CSMD1: variants seen among roughly 807,000 people sequenced by gnomAD.
The protein encoded by CSMD1 is CUB and sushi domain-containing protein 1.
Under a neutral mutation model 417.5 loss-of-function variants are expected in CSMD1, and 213 were observed. The ratio of observed to expected loss-of-function variants is 0.51; its 90% CI spans 0.46 to 0.57. CSMD1 has a LOEUF of 0.57. Among genes scored for constraint, CSMD1 ranks in the 20% least tolerant of loss-of-function variants. The pLI is 0.00. For missense variants in CSMD1, 6,923 were observed against 4,529.7 expected (o/e 1.53, Z -15.17); for synonymous variants, 2,862 against 1,736.8 (o/e 1.65, Z -16.11).
chr8:3,818,908 G>A (rs1014308534), intron 5 of CSMD1, among the ~76,000 whole-genome samples: 4 of 152,106 alleles, frequency 2.6e-5, no homozygotes, highest in Admixed American at 6.6e-5. Flanking sequence ...CAAGACCACC[G>A]CACATGCCCA....
At chr8:3,396,449 T>C (rs773179682) in intron 16 of CSMD1, 68 bp from the exon 17 acceptor site, 20 of 1,121,720 alleles carry the variant, frequency 1.8e-5, no homozygotes, top group African/African-American at 3.2e-5. Flanking sequence ...GCTCCTGACA[T>C]CCTCATTCCT....
intron 23 of CSMD1, among the ~76,000 whole-genome samples, chr8:3,320,893 A>G (rs1007354359): frequency 3.9e-5 from 6 of 152,226 alleles, no homozygotes; most frequent in African/African-American, 7.2e-5. Context: ...TGACATGCAT[A>G]TTCTGCACCT....
At chr8:3,878,869 C>G (rs1268406776) in intron 5 of CSMD1, among the ~76,000 whole-genome samples, 1 of 152,162 alleles carries the variant, frequency 6.6e-6, no homozygotes, top group Non-Finnish European at 1.5e-5. Flanking sequence ...AATAAACTGA[C>G]TGAGCTTAAT....
chr8:4,254,028 C>A (rs113768489), intron 3 of CSMD1, among the ~76,000 whole-genome samples: 6 of 151,094 alleles, frequency 4.0e-5, no homozygotes, highest in African/African-American at 9.7e-5. Flanking sequence ...GCCATTCTCC[C>A]GCCTCAGCCT....
Position 4,421,382 on chromosome 8 carries a change from A to C in CSMD1, c.303-1317T>G, listed in dbSNP as rs1407147404. Among the ~76,000 whole-genome samples the C allele has an allele frequency of 2.0e-5, 3 of 152,174 alleles. No homozygotes were observed. The East Asian group carries it at 5.8e-4, about 29-fold the overall frequency. On this transcript the variant is annotated intron_variant, in intron 2 of 69. Coordinates refer to ENST00000635120, the MANE Select transcript of CSMD1 (RefSeq NM_033225.6). The stretch of plus-strand genomic sequence containing the variant: ...TTTACCCAGCAAGAACAGAGTACAC[A>C]TTTCTTTCAGGTGCCCACAGAACAT...
intron 11 of CSMD1, among the ~76,000 whole-genome samples, chr8:3,484,725 T>C (rs1033762517): frequency 6.6e-6 from 1 of 152,206 alleles, no homozygotes; most frequent in Non-Finnish European, 1.5e-5. Flanking sequence ...ACACAAAGAA[T>C]TCTCCAAACT....
intron 1 of CSMD1, among the ~76,000 whole-genome samples, chr8:4,973,447 T>C (rs570642742): frequency 1.3e-5 from 2 of 152,296 alleles, no homozygotes; most frequent in Admixed American, 1.3e-4. Context: ...TAGAACATTT[T>C]CTAGCTCTTA....
rs142505121 is a variant in CSMD1 at position 4,287,212 on chromosome 8, G to A, written c.415+132741C>T. On this transcript the variant is annotated intron_variant, in intron 3 of 69. Coordinates refer to ENST00000635120, the MANE Select transcript of CSMD1 (RefSeq NM_033225.6). ...TTAATTTTACTCACATAGCTAATTA[G>A]ATATCTTGCCTCTATTTCCTGGCAA... 2.0e-5 allele frequency among the ~76,000 whole-genome samples: 3 copies of A among 152,252 alleles called. No individual in the cohort carries two copies. In the East Asian group the frequency reaches 5.8e-4, roughly 29 times the overall value.
At chr8:4,041,103 G>C (rs181508003) in intron 3 of CSMD1, among the ~76,000 whole-genome samples, 16 of 139,900 alleles carry the variant, frequency 1.1e-4, no homozygotes, top group Admixed American at 5.1e-4. Flanking sequence ...TGCAAGCTCC[G>C]CCTCCCGGGT....
chr8:4,593,287 C>T (rs62486684), intron 2 of CSMD1, among the ~76,000 whole-genome samples: 1 of 152,134 alleles, frequency 6.6e-6, no homozygotes, highest in Non-Finnish European at 1.5e-5. Flanking sequence ...CCATTTGTTC[C>T]CTCTCCTCTT....
chr8:4,119,253 A>G (rs1426450506), intron 3 of CSMD1, among the ~76,000 whole-genome samples: 1 of 152,182 alleles, frequency 6.6e-6, no homozygotes, highest in Non-Finnish European at 1.5e-5. Flanking sequence ...AACTTAAAGT[A>G]AAATTAAAAA....
At chr8:3,545,361 T>A (rs1285953295) in intron 10 of CSMD1, among the ~76,000 whole-genome samples, 1 of 152,228 alleles carries the variant, frequency 6.6e-6, no homozygotes. Context: ...ATACTTAACA[T>A]ATTCTTCTAC....
intron 1 of CSMD1, among the ~76,000 whole-genome samples, chr8:4,987,820 A>G (rs1157633800): frequency 6.6e-6 from 1 of 152,160 alleles, no homozygotes; most frequent in Non-Finnish European, 1.5e-5. Context: ...TCAGGTCTTC[A>G]TCTTTCTCCT....
chr8:3,760,680 T>C (rs978370476), intron 5 of CSMD1, among the ~76,000 whole-genome samples: 3 of 152,234 alleles, frequency 2.0e-5, no homozygotes, highest in African/African-American at 7.2e-5. Flanking sequence ...CATTTGGAAA[T>C]GCTAATGGTT....
chr8:4,826,672 T>C, intron 1 of CSMD1, among the ~76,000 whole-genome samples: 1 of 152,090 alleles, frequency 6.6e-6, no homozygotes, highest in East Asian at 1.9e-4. Flanking sequence ...GTAGCTTTCC[T>C]TCCCACTCAT....
rs188485067 is a variant in CSMD1, at chr8:4,055,037, T to A, written c.416-22938A>T. Among the ~76,000 whole-genome samples, 244 of 152,316 alleles carry A rather than the reference T, an allele frequency of 1.6e-3. 1 individual carries two copies. Among genetic ancestry groups the A allele is most frequent in the African/African-American group, 5.2e-3 (218 of 41,578 alleles). On this transcript the variant is annotated intron_variant, in intron 3 of 69. Coordinates refer to ENST00000635120, the MANE Select transcript of CSMD1 (RefSeq NM_033225.6). ...GAAGAAGGCGCCTATTTCACAAACT[T>A]ACATGAATATACTATATTCAAACAA...
intron 1 of CSMD1, among the ~76,000 whole-genome samples, chr8:4,669,235 G>A (rs1224695193): frequency 6.6e-6 from 1 of 152,056 alleles, no homozygotes; most frequent in Non-Finnish European, 1.5e-5. Context: ...GACAGAGATG[G>A]GGGCTAGACA....
At chr8:3,163,455 C>T (rs547937230) in intron 37 of CSMD1, among the ~76,000 whole-genome samples, 6 of 151,478 alleles carry the variant, frequency 4.0e-5, no homozygotes, top group Admixed American at 3.3e-4. Flanking sequence ...CACTCAGGGG[C>T]AGTCCCATGC....
chr8:4,714,419 T>A (rs1808513035), intron 1 of CSMD1, among the ~76,000 whole-genome samples: 1 of 151,822 alleles, frequency 6.6e-6, no homozygotes, highest in Non-Finnish European at 1.5e-5. Flanking sequence ...AAAAATAAAA[T>A]CTCCCCAAAA....
Sources: gnomAD v4.1 joint callset for allele counts (sites outside exome capture counted in the v4.1 genomes callset) on GRCh38, gnomAD v4.1.1 for gene constraint, MANE v1.5 for transcripts, NCBI Gene and HGNC (gene_info 2026-07-23, HGNC 2026-07-21) for gene names.